ARID1B: variants seen among roughly 807,000 people sequenced by gnomAD.
ARID1B encodes the protein AT-rich interaction domain 1B, also known as AT-rich interactive domain-containing protein 1B.
In ARID1B, 30 loss-of-function variants were observed where a neutral mutation model predicts 212.3. That is an observed-to-expected ratio of 0.14 (90% CI 0.11 to 0.19). The LOEUF is 0.19. ARID1B is among the 10% of genes least tolerant of loss of function. ARID1B has a pLI of 1.00. For synonymous variants in ARID1B, 1,402 were observed against 1,301.7 expected (o/e 1.08, Z -1.66); for missense variants, 2,891 against 3,204.0 (o/e 0.90, Z 2.36).
intron 3 of ARID1B, among the ~76,000 whole-genome samples, chr6:156,910,337 G>T (rs190417740): frequency 6.6e-6 from 1 of 152,282 alleles, no homozygotes; most frequent in African/African-American, 2.4e-5. Flanking sequence ...TGCATATCAA[G>T]TTCAAGACAG....
intron 1 of ARID1B, among the ~76,000 whole-genome samples, chr6:156,802,040 T>A (rs1050514119): frequency 6.6e-6 from 1 of 152,254 alleles, no homozygotes; most frequent in African/African-American, 2.4e-5. Flanking sequence ...TGGTTGGTGC[T>A]GTTCTATCGA....
At chr6:157,067,335 G>T (rs1356987720) in intron 4 of ARID1B, among the ~76,000 whole-genome samples, 1 of 152,166 alleles carries the variant, frequency 6.6e-6, no homozygotes, top group Non-Finnish European at 1.5e-5. Flanking sequence ...CCATCTACTG[G>T]TGCCAGGCAG....
intron 8 of ARID1B, chr6:157,150,639 C>CA (rs1790127616): frequency 5.8e-6 from 1 of 170,990 alleles, no homozygotes; most frequent in East Asian, 1.1e-4. Flanking sequence ...AAGCCCCGCA[C>CA]CTATGTGTGG....
At chr6:156,991,139 C>T (rs890702374) in intron 4 of ARID1B, among the ~76,000 whole-genome samples, 7 of 152,206 alleles carry the variant, frequency 4.6e-5, no homozygotes, top group African/African-American at 1.7e-4. Flanking sequence ...ATGGCAGAGA[C>T]AGTTTCAACC....
chr6:157,123,477 C>T (rs1787919655), intron 6 of ARID1B, among the ~76,000 whole-genome samples: 1 of 152,224 alleles, frequency 6.6e-6, no homozygotes, highest in Admixed American at 6.5e-5. Context: ...CAGGATCCCC[C>T]TCAGCTCTAG....
At position 157,200,847 on chromosome 6, in the gene ARID1B, C is replaced by T. The variant is rs2128372955; in HGVS notation, c.4622C>T (p.Pro1541Leu). ...TCCTACTCGGGCCCGGACCGCAGGC[C>T]CATCCAGGGCCAGTACCCGTATCCC... ...GGSYSGPDRR[P>L]IQGQYPYPYS... The change falls in exon 18 of 20, where the codon CCC becomes CTC. Residue 1541 changes from proline to leucine, a missense_variant. Coordinates refer to ENST00000636930, the MANE Select transcript of ARID1B (RefSeq NM_001374828.1). The surrounding 1 kb of genome is among the most constrained non-coding windows in gnomAD (Gnocchi z 4.3). 6.2e-7 allele frequency: 1 copy of T among 1,614,048 alleles called. No individual in the cohort carries two copies. Among genetic ancestry groups the T allele is most frequent in the Non-Finnish European group, 8.5e-7 (1 of 1,180,040 alleles).
At chr6:156,926,591 G>A (rs1452284805) in intron 3 of ARID1B, among the ~76,000 whole-genome samples, 1 of 152,124 alleles carries the variant, frequency 6.6e-6, no homozygotes, top group Admixed American at 6.5e-5. Flanking sequence ...TAATTAATCT[G>A]GCACACGTCA....
At chr6:156,776,890 T>A (rs1300450400), upstream of ARID1B, 1 of 152,244 alleles carries the variant, frequency 6.6e-6, no homozygotes, top group Non-Finnish European at 1.5e-5. Context: ...ATTACGCCGA[T>A]GGCCCGAAAT....
At chr6:157,174,153 G>C (rs2128304217) in intron 10 of ARID1B, 36 bp downstream of exon 10, 2 of 1,588,188 alleles carry the variant, frequency 1.3e-6, no homozygotes, top group Non-Finnish European at 1.7e-6. Context: ...TGTGAGGTCT[G>C]CCTAGCAAAA....
intron 2 of ARID1B, among the ~76,000 whole-genome samples, chr6:156,874,620 G>A (rs961823733): frequency 2.6e-5 from 4 of 152,098 alleles, no homozygotes; most frequent in Admixed American, 2.6e-4. Context: ...TCTCTGTGCT[G>A]GCTCCAGGCC....
At chr6:157,053,356 G>A (rs1000036690) in intron 4 of ARID1B, among the ~76,000 whole-genome samples, 3 of 152,212 alleles carry the variant, frequency 2.0e-5, no homozygotes, top group African/African-American at 7.2e-5. Flanking sequence ...AAAGTTCTGG[G>A]ATTACAGGTG....
chr6:156,823,002 A>G (rs770769290), intron 1 of ARID1B, among the ~76,000 whole-genome samples: 4 of 152,138 alleles, frequency 2.6e-5, no homozygotes, highest in Non-Finnish European at 5.9e-5. Context: ...GTAAACACAG[A>G]TTGCTTCCCG....
rs144480211 is a variant in ARID1B, at chr6:157,110,100, G to A, written c.2492-372G>A. The stretch of plus-strand genomic sequence containing the variant: ...ACCATGAGTAATTGTTGGCCACTCT[G>A]CATGCCTGCCCACCTGGAGACTCAC... On this transcript the variant is annotated intron_variant, in intron 5 of 19. Transcript: ENST00000636930. Among the ~76,000 whole-genome samples the A allele has an allele frequency of 3.1e-3, 474 of 152,282 alleles. 4 individuals carry two copies. Among genetic ancestry groups the A allele is most frequent in the African/African-American group, 9.5e-3 (396 of 41,564 alleles).
intron 4 of ARID1B, among the ~76,000 whole-genome samples, chr6:157,039,864 CTCTTTCTCTT>C (rs1168034589): frequency 2.0e-5 from 2 of 102,060 alleles, no homozygotes; most frequent in Non-Finnish European, 3.9e-5. Flanking sequence ...CTCTTTCTCT[CTCTTTCTCTT>C]TCTTTTCTCT....
At chr6:156,931,870 G>A (rs1327089015) in intron 3 of ARID1B, among the ~76,000 whole-genome samples, 1 of 151,244 alleles carries the variant, frequency 6.6e-6, no homozygotes, top group African/African-American at 2.4e-5. Flanking sequence ...GCTGAGGCAG[G>A]AGAATCGCTT....
At position 156,828,619 on chromosome 6, in the gene ARID1B, C is replaced by A. The variant is rs114600127; in HGVS notation, c.1792-608C>A. ...TGAACTGGTTGTGTTTGGTAAGATG[C>A]TGACTTACATGGGGAGAGGTGCTGT... On this transcript the variant is annotated intron_variant, in intron 1 of 19. Transcript: ENST00000636930. Among the ~76,000 whole-genome samples the A allele has an allele frequency of 9.9e-3, 1,512 of 152,306 alleles. 28 individuals are homozygous for A. Among genetic ancestry groups the A allele is most frequent in the African/African-American group, 0.034 (1,415 of 41,548 alleles).
chr6:156,832,053 A>G (rs889534502), intron 2 of ARID1B, among the ~76,000 whole-genome samples: 1 of 152,224 alleles, frequency 6.6e-6, no homozygotes, highest in Admixed American at 6.5e-5. Flanking sequence ...AACAGAATGC[A>G]CTTTTGAATG....
intron 3 of ARID1B, among the ~76,000 whole-genome samples, chr6:156,920,731 G>A (rs1313951858): frequency 1.3e-5 from 2 of 152,158 alleles, no homozygotes; most frequent in African/African-American, 4.8e-5. Flanking sequence ...AGAGGAATGG[G>A]TTTATGTCTC....
intron 5 of ARID1B, among the ~76,000 whole-genome samples, chr6:157,100,225 T>G (rs1785967290): frequency 6.6e-6 from 1 of 152,220 alleles, no homozygotes; most frequent in African/African-American, 2.4e-5. Flanking sequence ...GTTGACAGCC[T>G]GTTCACCAAC....
Sources: allele counts gnomAD v4.1 joint callset (sites outside exome capture counted in the v4.1 genomes callset), GRCh38; gene constraint gnomAD v4.1.1; non-coding constraint Gnocchi (gnomAD v3.1); transcripts MANE v1.5; gene names NCBI Gene and HGNC (gene_info 2026-07-23, HGNC 2026-07-21).